The following IGSF11 variants were observed in gnomAD, a reference collection of about 807,000 sequenced individuals.
IGSF11 encodes the protein CXADR like 1.
IGSF11 carries 22 observed loss-of-function variants against 41.0 expected under a neutral mutation model. The observed-to-expected ratio is 0.54, with a 90% confidence interval of 0.38 to 0.77. The LOEUF (loss-of-function observed/expected upper bound fraction) is 0.77. Among genes scored for constraint, IGSF11 ranks in the 30% least tolerant of loss-of-function variants. IGSF11 has a pLI of 0.00. For synonymous variants in IGSF11, 219 were observed against 201.3 expected, an observed-to-expected ratio of 1.09 and a Z score of -0.74; for missense variants, 444 against 530.8, an observed-to-expected ratio of 0.84 and a Z score of 1.61.
At chr3:118,908,331 T>C (rs1200601324) in intron 4 of IGSF11, among the ~76,000 whole-genome samples, 2 of 152,202 alleles carry the variant, frequency 1.3e-5, no homozygotes, top group African/African-American at 2.4e-5. Context: ...GAAGTTGATA[T>C]ACCATGGTAG....
intron 1 of IGSF11, among the ~76,000 whole-genome samples, chr3:119,004,758 T>A (rs551474291): frequency 2.0e-4 from 30 of 150,222 alleles, no homozygotes; most frequent in Non-Finnish European, 3.7e-4. Flanking sequence ...TCAGTTTCCA[T>A]GTAGTTGAGC....
At position 119,136,371 on chromosome 3, in the gene IGSF11, C is replaced by G. The variant is rs76092709; in HGVS notation, c.-14+9442G>C. ...TTAACTCCTCAATAAAAAAGACATA[C>G]AGTGGCTGAATGAATAAAAAGAAAA... is the stretch of plus-strand genomic sequence containing the variant. On this transcript the variant is annotated intron_variant, in intron 1 of 7. Coordinates refer to the IGSF11 transcript ENST00000425327. 2.4e-3 allele frequency among the ~76,000 whole-genome samples: 366 copies of G among 152,158 alleles called. 1 individual carries two copies. The highest frequency in any genetic ancestry group is 8.4e-3 in the African/African-American group (347 of 41,532).
At chr3:119,046,431 G>A (rs1437777853) in intron 1 of IGSF11, among the ~76,000 whole-genome samples, 1 of 152,094 alleles carries the variant, frequency 6.6e-6, no homozygotes, top group Non-Finnish European at 1.5e-5. Context: ...AACCAAGAAG[G>A]AAAGTTTAGA....
rs77450971 is a variant in IGSF11, at chr3:119,032,295, G to C, written c.52+2236C>G. Reference sequence around the variant, plus strand: ...CTGCTATTCCACATTGAAAATTCTGGGGATGAGCCATAATTCATTCAAACC... The same window carrying C: ...CTGCTATTCCACATTGAAAATTCTGCGGATGAGCCATAATTCATTCAAACC... On this transcript the variant is annotated intron_variant, in intron 1 of 6. Coordinates refer to ENST00000393775, the MANE Select transcript of IGSF11 (RefSeq NM_001015887.3). Among the ~76,000 whole-genome samples the C allele has an allele frequency of 8.1e-3, 1,231 of 152,128 alleles. 11 individuals carry two copies. Among genetic ancestry groups the C allele is most frequent in the Non-Finnish European group, 0.014 (947 of 67,998 alleles).
At chr3:118,965,403 G>A (rs1361536308) in intron 1 of IGSF11, among the ~76,000 whole-genome samples, 1 of 151,986 alleles carries the variant, frequency 6.6e-6, no homozygotes, top group Non-Finnish European at 1.5e-5. Flanking sequence ...ACTATGTGAT[G>A]AGCATCTAAA....
chr3:118,991,786 C>T (rs9812316), intron 1 of IGSF11, among the ~76,000 whole-genome samples: 2 of 152,190 alleles, frequency 1.3e-5, no homozygotes, highest in African/African-American at 4.8e-5. Flanking sequence ...TGCCTACCAT[C>T]TGCAAGACAC....
chr3:118,992,396 C>T (rs1935875325), intron 1 of IGSF11, among the ~76,000 whole-genome samples: 2 of 152,226 alleles, frequency 1.3e-5, no homozygotes, highest in African/African-American at 4.8e-5. Flanking sequence ...GATTTCAGCA[C>T]ATAGTTAATT....
intron 4 of IGSF11, among the ~76,000 whole-genome samples, chr3:118,922,020 GA>G (rs1941850523): frequency 6.6e-6 from 1 of 151,050 alleles, no homozygotes; most frequent in Admixed American, 6.6e-5. Flanking sequence ...CAGGACAATA[GA>G]AGACAGAAAA....
chr3:119,017,443 A>G (rs1181900870), intron 1 of IGSF11, among the ~76,000 whole-genome samples: 1 of 152,236 alleles, frequency 6.6e-6, no homozygotes, highest in Non-Finnish European at 1.5e-5. Flanking sequence ...ACGGTGTTAT[A>G]ATCTTATAGG....
chr3:118,927,346 A>G (rs1942417946), intron 3 of IGSF11, among the ~76,000 whole-genome samples: 2 of 152,330 alleles, frequency 1.3e-5, no homozygotes, highest in South Asian at 4.1e-4. Context: ...AAAAAGAAAT[A>G]AGGTTGGATA....
intron 1 of IGSF11, among the ~76,000 whole-genome samples, chr3:118,987,968 A>G (rs1409125728): frequency 6.6e-6 from 1 of 152,234 alleles, no homozygotes; most frequent in Non-Finnish European, 1.5e-5. Flanking sequence ...GTTCTGTAAT[A>G]TATTAATTGG....
chr3:118,968,355 C>A (rs1366582960), intron 1 of IGSF11, among the ~76,000 whole-genome samples: 3 of 152,060 alleles, frequency 2.0e-5, no homozygotes, highest in African/African-American at 7.3e-5. Context: ...GAATTATAGA[C>A]AATAGCCAGA....
At chr3:119,045,718 T>G (rs2107752702) in intron 1 of IGSF11, among the ~76,000 whole-genome samples, 1 of 152,150 alleles carries the variant, frequency 6.6e-6, no homozygotes, top group East Asian at 1.9e-4. Flanking sequence ...AAGACAGCAG[T>G]AACCTCTGCA....
chr3:119,015,701 AC>A (rs140606816), intron 1 of IGSF11, among the ~76,000 whole-genome samples: 5,909 of 152,154 alleles, frequency 0.039, 188 homozygotes, highest in Non-Finnish European at 0.048. Flanking sequence ...ACATAGCCTA[AC>A]ACAAAGCAGG....
At chr3:118,953,708 C>A (rs1944753675) in intron 1 of IGSF11, among the ~76,000 whole-genome samples, 2 of 151,940 alleles carry the variant, frequency 1.3e-5, no homozygotes, top group Admixed American at 1.3e-4. Flanking sequence ...TCTTCTTTGG[C>A]AAATTGTCCC....
At chr3:119,103,360 T>C (rs1353098477) in intron 1 of IGSF11, among the ~76,000 whole-genome samples, 2 of 152,134 alleles carry the variant, frequency 1.3e-5, no homozygotes, top group Non-Finnish European at 2.9e-5. Context: ...CTGCTTGTTT[T>C]GGTGTCTACT....
At chr3:119,111,956 T>C (rs1268849794) in intron 1 of IGSF11, among the ~76,000 whole-genome samples, 1 of 152,190 alleles carries the variant, frequency 6.6e-6, no homozygotes, top group East Asian at 1.9e-4. Context: ...CTGGAAGTTT[T>C]GTCTCAGAGG....
chr3:118,924,490 T>A (rs532293496), intron 4 of IGSF11, among the ~76,000 whole-genome samples: 2 of 152,276 alleles, frequency 1.3e-5, no homozygotes, highest in South Asian at 4.1e-4. Flanking sequence ...TTAATGTACA[T>A]GATTAATAGA....
intron 1 of IGSF11, among the ~76,000 whole-genome samples, chr3:118,971,817 AAAG>A (rs1396140192): frequency 1.3e-5 from 2 of 151,648 alleles, no homozygotes; most frequent in Admixed American, 6.6e-5. Flanking sequence ...AAAAAAAAAA[AAAG>A]AAGAAACTAC....
Sources: gnomAD v4.1 joint callset for allele counts (sites outside exome capture counted in the v4.1 genomes callset) on GRCh38, gnomAD v4.1.1 for gene constraint, MANE v1.5 for transcripts, NCBI Gene and HGNC (gene_info 2026-07-23, HGNC 2026-07-21) for gene names.